MAP4K5: variants seen among roughly 807,000 people sequenced by gnomAD.
MAP4K5 encodes MAPK/ERK kinase kinase kinase 5.
In MAP4K5, 82 loss-of-function variants were observed where a neutral mutation model predicts 135.6. The ratio of observed to expected loss-of-function variants is 0.60; its 90% CI spans 0.51 to 0.73. The LOEUF (loss-of-function observed/expected upper bound fraction) is 0.73, where lower values mean the gene tolerates loss of function less well. Among genes scored for constraint, MAP4K5 ranks in the 30% least tolerant of loss-of-function variants. The pLI is 0.00. For synonymous variants in MAP4K5, 347 were observed against 335.0 expected, an observed-to-expected ratio of 1.04 and a Z score of -0.39; for missense variants, 907 against 1,010.9, an observed-to-expected ratio of 0.90 and a Z score of 1.39.
intron 2 of MAP4K5, among the ~76,000 whole-genome samples, chr14:50,506,203 G>A (rs1210041035): frequency 6.6e-6 from 1 of 152,064 alleles, no homozygotes; most frequent in Admixed American, 6.6e-5. Context: ...AGAGAAAAAG[G>A]GAAAGGAATA....
intron 18 of MAP4K5, 34 bp downstream of exon 18, chr14:50,445,007 T>C (rs749724248): frequency 3.6e-5 from 57 of 1,593,638 alleles, no homozygotes; most frequent in Non-Finnish European, 4.5e-5. Context: ...TCTAGCCATA[T>C]GTACCCCATG....
chr14:50,546,571 G>C (rs2038635284), intron 1 of MAP4K5, among the ~76,000 whole-genome samples: 1 of 151,980 alleles, frequency 6.6e-6, no homozygotes, highest in South Asian at 2.1e-4. Flanking sequence ...TAAAATTATT[G>C]GTAAAATAAA....
intron 28 of MAP4K5, among the ~76,000 whole-genome samples, chr14:50,431,081 G>A (rs2035958178): frequency 6.6e-6 from 1 of 152,090 alleles, no homozygotes; most frequent in East Asian, 1.9e-4. Context: ...ACCTAATTAG[G>A]AAATAGTGGA....
chr14:50,508,751 G>A (rs2037866645), intron 2 of MAP4K5, among the ~76,000 whole-genome samples: 1 of 152,056 alleles, frequency 6.6e-6, no homozygotes, highest in South Asian at 2.1e-4. Flanking sequence ...GTGAGGATGT[G>A]GAGAAATAGA....
chr14:50,483,445 T>C (rs2037296090), intron 5 of MAP4K5, among the ~76,000 whole-genome samples: 1 of 152,150 alleles, frequency 6.6e-6, no homozygotes, highest in Non-Finnish European at 1.5e-5. Context: ...CTACCGCGTA[T>C]TTTAATCACT....
intron 2 of MAP4K5, among the ~76,000 whole-genome samples, chr14:50,516,702 AT>A (rs1382626248): frequency 6.6e-6 from 1 of 152,168 alleles, no homozygotes; most frequent in Non-Finnish European, 1.5e-5. Context: ...GGTCTAATAC[AT>A]TCATTTTTAG....
intron 2 of MAP4K5, among the ~76,000 whole-genome samples, chr14:50,517,436 G>A (rs1042914968): frequency 6.6e-6 from 1 of 150,808 alleles, no homozygotes; most frequent in South Asian, 2.2e-4. Context: ...ACAGGAATGA[G>A]CCACCGCGCC....
intron 3 of MAP4K5, among the ~76,000 whole-genome samples, chr14:50,489,683 T>C (rs918943938): frequency 6.6e-6 from 1 of 152,196 alleles, no homozygotes; most frequent in African/African-American, 2.4e-5. Context: ...TGTGACCTTG[T>C]ACTAGCCAAA....
At chr14:50,514,755 G>T (rs2037997886) in intron 2 of MAP4K5, among the ~76,000 whole-genome samples, 1 of 152,148 alleles carries the variant, frequency 6.6e-6, no homozygotes, top group South Asian at 2.1e-4. Context: ...AACATGGGCA[G>T]TCTAAAAGAG....
At position 50,472,893 on chromosome 14, in the gene MAP4K5, C is replaced by T. The variant is rs541190749; in HGVS notation, c.542+2184G>A. ...AAGCCTGATGCAAATTAAACATTGA[C>T]TAATGCTCAAAACATGCACATGAAT... On this transcript the variant is annotated intron_variant, in intron 9 of 32. Coordinates refer to ENST00000682126, the MANE Select transcript of MAP4K5 (RefSeq NM_006575.6). 2.6e-5 allele frequency among the ~76,000 whole-genome samples: 4 copies of T among 152,230 alleles called. No individual in the cohort carries two copies. The South Asian group carries it at 8.3e-4, about 32-fold the overall frequency.
intron 28 of MAP4K5, 74 bp downstream of exon 28, chr14:50,434,320 C>T: frequency 1.7e-6 from 2 of 1,194,386 alleles, no homozygotes; most frequent in Admixed American, 2.6e-5. Flanking sequence ...TGTTTTGCTT[C>T]TTTTATAGGT....
chr14:50,448,935 G>A lies in MAP4K5; in HGVS notation c.1016-103C>T. The A allele has an allele frequency of 6.0e-6, 4 of 663,814 alleles. No individual in the cohort carries two copies. In the South Asian group the frequency reaches 7.4e-5, roughly 12 times the overall value. 41.1% of individuals were successfully genotyped at this position (663,814 alleles called of 1,614,324 possible). ...TATGGGGTGGGGGAGGGAGAAAGAA[G>A]AGGGGAAAGAAGACAAAAAATATGT... On this transcript the variant is annotated intron_variant, in intron 14 of 32. Coordinates refer to ENST00000682126, the MANE Select transcript of MAP4K5 (RefSeq NM_006575.6).
chr14:50,479,576 T>C (rs2037191416), intron 6 of MAP4K5, among the ~76,000 whole-genome samples: 1 of 152,218 alleles, frequency 6.6e-6, no homozygotes, highest in Non-Finnish European at 1.5e-5. Flanking sequence ...GGGCCTTTTT[T>C]ATACCTTCCA....
upstream of MAP4K5, among the ~76,000 whole-genome samples, chr14:50,535,738 G>T (rs543923801): frequency 1.3e-5 from 2 of 152,308 alleles, no homozygotes; most frequent in East Asian, 3.9e-4. Flanking sequence ...TTAAAAAGGA[G>T]AGGTGAGGAA....
rs1029826395 is a variant in MAP4K5, at chr14:50,463,996, A to G, written c.819+56T>C. 9 of 921,950 alleles carry G rather than the reference A, an allele frequency of 9.8e-6. No homozygotes were observed. The African/African-American group carries it at 1.0e-4, about 11-fold the overall frequency. The allele number at this position is 921,950 out of a possible 1,614,324, so 57.1% of individuals were successfully genotyped here. On this transcript the variant is annotated intron_variant, in intron 12 of 32. Coordinates refer to ENST00000682126, the MANE Select transcript of MAP4K5 (RefSeq NM_006575.6). Reference sequence around the variant, plus strand: ...TTAAAAACATAAATACTTTTGTTCTACTGATATGTCTAATTTATGACTATA... The same window carrying G: ...TTAAAAACATAAATACTTTTGTTCTGCTGATATGTCTAATTTATGACTATA...
intron 26 of MAP4K5, 81 bp from the exon 27 acceptor site, chr14:50,435,146 C>T (rs2036062102): frequency 4.9e-6 from 3 of 609,256 alleles, no homozygotes. Flanking sequence ...ACCAGGATGA[C>T]AAGAGTGGGC....
At chr14:50,530,229 A>G (rs2038357835) in intron 2 of MAP4K5, among the ~76,000 whole-genome samples, 1 of 152,176 alleles carries the variant, frequency 6.6e-6, no homozygotes, top group South Asian at 2.1e-4. Context: ...GAACTGCAGA[A>G]GAGAGACTAG....
At chr14:50,552,097 A>T (rs2038709852) in intron 1 of MAP4K5, among the ~76,000 whole-genome samples, 1 of 152,170 alleles carries the variant, frequency 6.6e-6, no homozygotes, top group Non-Finnish European at 1.5e-5. Flanking sequence ...TGATATGATC[A>T]TGTACCTAGA....
At chr14:50,439,188 A>G (rs553919830) in intron 23 of MAP4K5, among the ~76,000 whole-genome samples, 1 of 152,034 alleles carries the variant, frequency 6.6e-6, no homozygotes, top group South Asian at 2.1e-4. Context: ...TAGCTCAAAT[A>G]TACAGATTCT....
Sources: gnomAD v4.1 joint callset for allele counts (sites outside exome capture counted in the v4.1 genomes callset) on GRCh38, gnomAD v4.1.1 for gene constraint, MANE v1.5 for transcripts, NCBI Gene and HGNC (gene_info 2026-07-23, HGNC 2026-07-21) for gene names.